The following RAPGEF6 variants were observed in gnomAD, a reference collection of about 807,000 sequenced individuals.
The protein encoded by RAPGEF6 is PDZ domain containing guanine nucleotide exchange factor (GEF) 2.
RAPGEF6 carries 56 observed loss-of-function variants against 171.4 expected under a neutral mutation model. That is an observed-to-expected ratio of 0.33 (90% confidence interval 0.26 to 0.41). The LOEUF is 0.41. Ranked by LOEUF, RAPGEF6 falls within the 10% of genes least tolerant of loss-of-function variation. The pLI is 1.00. For synonymous variants in RAPGEF6, 692 were observed against 650.1 expected (o/e 1.06, Z -0.98); for missense variants, 1,674 against 1,921.4 (o/e 0.87, Z 2.41).
rs1402077806 is a variant in RAPGEF6 at position 131,428,907 on chromosome 5, G to A, written c.4775C>T (p.Ala1592Val). The change falls in exon 27 of 28, where the codon GCA becomes GTA. Residue 1592 changes from alanine (A) to valine (V), a missense_variant. Ala to Val is a moderately conservative substitution (Grantham distance 64). Around this residue, in one of 3 missense-constraint regions of RAPGEF6, gnomAD observed 552 missense variants for 574.2 expected, o/e 0.96. Transcript: ENST00000509018. ...AAGAGAGCTTGTCAACATACCATCTGCTTCGCTATCTGCATCAGTCACATC... is the reference window on the plus strand; with the variant it reads ...AAGAGAGCTTGTCAACATACCATCTACTTCGCTATCTGCATCAGTCACATC... ...LGDVTDADSE[A>V]DENEQVSAV is the part of the protein sequence containing the mutation. 1 of 1,612,312 alleles carries A rather than the reference G, an allele frequency of 6.2e-7. No individual in the cohort carries two copies.
At chr5:131,451,470 C>T (rs1289826875) in intron 21 of RAPGEF6, among the ~76,000 whole-genome samples, 4 of 151,702 alleles carry the variant, frequency 2.6e-5, no homozygotes, top group African/African-American at 9.7e-5. Flanking sequence ...GCACCTGTAG[C>T]CCCAGTTACT....
At chr5:131,486,082 T>C (rs908426200) in intron 15 of RAPGEF6, among the ~76,000 whole-genome samples, 1 of 152,228 alleles carries the variant, frequency 6.6e-6, no homozygotes, top group Non-Finnish European at 1.5e-5. Context: ...ACCTAGATGG[T>C]CAGTTAGGTA....
At chr5:131,515,200 T>C (rs1189274023) in intron 7 of RAPGEF6, among the ~76,000 whole-genome samples, 1 of 152,228 alleles carries the variant, frequency 6.6e-6, no homozygotes, top group East Asian at 1.9e-4. Context: ...TGTTAAGCCT[T>C]AGACTTTCAG....
At chr5:131,594,587 T>G (rs1361576352) in intron 3 of RAPGEF6, among the ~76,000 whole-genome samples, 1 of 152,136 alleles carries the variant, frequency 6.6e-6, no homozygotes, top group East Asian at 1.9e-4. Flanking sequence ...GACCCCAGAA[T>G]GGTAGAACCA....
chr5:131,630,087 T>C (rs1362588682), intron 1 of RAPGEF6, among the ~76,000 whole-genome samples: 1 of 152,158 alleles, frequency 6.6e-6, no homozygotes, highest in African/African-American at 2.4e-5. Context: ...TAAAGAGAAA[T>C]CTTTCATGAA....
intron 15 of RAPGEF6, among the ~76,000 whole-genome samples, chr5:131,483,454 C>T (rs951541789): frequency 1.3e-5 from 2 of 150,138 alleles, no homozygotes; most frequent in Admixed American, 6.6e-5. Context: ...GAAATGATTG[C>T]GTTAAATTAA....
chr5:131,443,721 G>A (rs1000847545), intron 22 of RAPGEF6, among the ~76,000 whole-genome samples: 1 of 152,134 alleles, frequency 6.6e-6, no homozygotes, highest in Non-Finnish European at 1.5e-5. Context: ...ACTCTCATTA[G>A]GCTTTATCTT....
intron 6 of RAPGEF6, among the ~76,000 whole-genome samples, chr5:131,524,680 A>G (rs1443498325): frequency 6.6e-6 from 1 of 151,184 alleles, no homozygotes; most frequent in Non-Finnish European, 1.5e-5. Flanking sequence ...CAGCGGCGCA[A>G]TCTCGGCTCA....
intron 5 of RAPGEF6, among the ~76,000 whole-genome samples, chr5:131,556,371 C>A (rs2149960286): frequency 6.6e-6 from 1 of 152,164 alleles, no homozygotes; most frequent in South Asian, 2.1e-4. Flanking sequence ...CATGCCACTG[C>A]ACTCCAGCCT....
At chr5:131,619,059 A>G (rs1765448026) in intron 1 of RAPGEF6, among the ~76,000 whole-genome samples, 1 of 152,080 alleles carries the variant, frequency 6.6e-6, no homozygotes. Context: ...AAAAAAAAAA[A>G]CAGGACTGTT....
chr5:131,574,915 A>G (rs1271971808), intron 4 of RAPGEF6, among the ~76,000 whole-genome samples: 1 of 152,186 alleles, frequency 6.6e-6, no homozygotes, highest in Non-Finnish European at 1.5e-5. Context: ...CACCTGTTAC[A>G]GCATGGCCTT....
intron 4 of RAPGEF6, among the ~76,000 whole-genome samples, chr5:131,578,714 C>T (rs956404734): frequency 2.6e-5 from 4 of 152,216 alleles, no homozygotes; most frequent in Admixed American, 1.3e-4. Context: ...ATCTCCAGAA[C>T]CCAGTCACGC....
Position 131,464,112 on chromosome 5 carries a change from C to A in RAPGEF6, c.2409G>T (p.Glu803Asp). ...GAAGTCTTCTCTGTTTTATGACACC[C>A]TCAGGAGTAACAGAAACTTCACAGA... ...YSLCEVSVTP[E>D]GVIKQRRLPD... The change falls in exon 18 of 28, where the codon GAG becomes GAT. Residue 803 changes from glutamate to aspartate, a missense_variant. Physicochemically the swap from Glu to Asp is conservative, Grantham distance 45. This residue lies in a region of RAPGEF6 where 1,116 missense variants were observed against 1,321.5 expected (regional missense o/e 0.84). Transcript: ENST00000509018. The A allele has an allele frequency of 6.2e-7, 1 of 1,613,834 alleles. No individual in the cohort carries two copies. The highest frequency in any genetic ancestry group is 8.5e-7 in the Non-Finnish European group (1 of 1,179,856).
At chr5:131,494,274 C>G (rs923125409) in intron 13 of RAPGEF6, among the ~76,000 whole-genome samples, 1 of 152,166 alleles carries the variant, frequency 6.6e-6, no homozygotes. Context: ...TACTTATTTC[C>G]TAAAATTTCA....
intron 6 of RAPGEF6, among the ~76,000 whole-genome samples, 200 bp downstream of exon 6, chr5:131,547,847 C>A (rs1456761214): frequency 1.3e-5 from 2 of 151,930 alleles, no homozygotes; most frequent in African/African-American, 4.8e-5. Flanking sequence ...AACAAAAAAG[C>A]AAAACCAGAA....
intron 4 of RAPGEF6, among the ~76,000 whole-genome samples, chr5:131,568,488 A>G (rs1418336300): frequency 6.6e-6 from 1 of 151,918 alleles, no homozygotes; most frequent in East Asian, 1.9e-4. Context: ...ACACCACCAC[A>G]CACGTTTTTT....
At chr5:131,576,242 A>G (rs1183750606) in intron 4 of RAPGEF6, among the ~76,000 whole-genome samples, 1 of 152,092 alleles carries the variant, frequency 6.6e-6, no homozygotes, top group African/African-American at 2.4e-5. Flanking sequence ...TCAAGGCCCA[A>G]TCGTTAGTCA....
Position 131,428,930 on chromosome 5 carries a change from A to G in RAPGEF6, c.4752T>C (p.Asp1584=), listed in dbSNP as rs1751530930. ...CTGCTTCGCTATCTGCATCAGTCAC[A>G]TCTCCTAGTTTAGGATGGAATGGCT... The part of the protein sequence containing the change: ...NLQPFHPKLG[D]VTDADSEADE... The change falls in exon 27 of 28, where the codon GAT becomes GAC. Residue 1584 remains aspartate, a synonymous_variant. Transcript: ENST00000509018. 2 of 1,614,114 alleles carry G rather than the reference A, an allele frequency of 1.2e-6. No homozygotes were observed. Among genetic ancestry groups the G allele is most frequent in the East Asian group, 4.5e-5 (2 of 44,886 alleles).
At position 131,468,840 on chromosome 5, in the gene RAPGEF6, A is replaced by C. The variant is rs531808668; in HGVS notation, c.2239+3747T>G. ...ACACAAAAAAACAAAGGGTAGTGGT[A>C]TATTAAGGATTGAAAAAATTGTTCT... is the stretch of plus-strand genomic sequence containing the variant. On this transcript the variant is annotated intron_variant, in intron 17 of 27. Transcript: ENST00000509018. Among the ~76,000 whole-genome samples, 7 of 152,350 alleles carry C rather than the reference A, an allele frequency of 4.6e-5. No homozygotes were observed. In the South Asian group the frequency reaches 8.3e-4, roughly 18 times the overall value.
Sources: allele counts gnomAD v4.1 joint callset (sites outside exome capture counted in the v4.1 genomes callset), GRCh38; gene constraint gnomAD v4.1.1; regional missense constraint gnomAD v4.1.1; transcripts MANE v1.5; gene names NCBI Gene and HGNC (gene_info 2026-07-23, HGNC 2026-07-21).